Variants in CENPP observed in about 807,000 individuals in gnomAD.
CENPP encodes centromere protein P.
A neutral mutation model predicts 35.6 loss-of-function variants in CENPP; 24 were observed. That is an observed-to-expected ratio of 0.67 (90% CI 0.49 to 0.95). CENPP has a LOEUF of 0.95. CENPP is among the 40% of genes least tolerant of loss of function. The probability of loss-of-function intolerance (pLI) is 0.00; values close to 1 mark genes in which losing one functional copy is unlikely to be tolerated. For missense variants in CENPP, 332 were observed against 345.3 expected (o/e 0.96, Z 0.31); for synonymous variants, 120 against 125.5 (o/e 0.96, Z 0.29).
chr9:92,590,147 T>C (rs879768795), intron 5 of CENPP, among the ~76,000 whole-genome samples: 1 of 152,226 alleles, frequency 6.6e-6, no homozygotes, highest in African/African-American at 2.4e-5. Context: ...AGTTCTCTAA[T>C]GGTGTGTCAG....
At chr9:92,418,445 T>C (rs1379495740) in intron 5 of CENPP, among the ~76,000 whole-genome samples, 1 of 152,008 alleles carries the variant, frequency 6.6e-6, no homozygotes, top group Non-Finnish European at 1.5e-5. Context: ...AAGTCTGGTA[T>C]ACTAGACTTT....
intron 4 of CENPP, among the ~76,000 whole-genome samples, chr9:92,368,233 A>G (rs1841934152): frequency 6.6e-6 from 1 of 152,196 alleles, no homozygotes; most frequent in South Asian, 2.1e-4. Context: ...ATTGTGCACA[A>G]ACTTTGTTTC....
intron 5 of CENPP, among the ~76,000 whole-genome samples, chr9:92,580,998 T>C (rs973239256): frequency 6.6e-6 from 1 of 152,220 alleles, no homozygotes; most frequent in Non-Finnish European, 1.5e-5. Flanking sequence ...TCTGGTATGT[T>C]GTGTCTTTAT....
At chr9:92,578,323 G>C (rs192971411) in intron 5 of CENPP, among the ~76,000 whole-genome samples, 1 of 152,084 alleles carries the variant, frequency 6.6e-6, no homozygotes, top group Non-Finnish European at 1.5e-5. Flanking sequence ...CCAGTAATGC[G>C]ATGGCTGGGT....
intron 5 of CENPP, chr9:92,417,459 C>G: frequency 6.2e-7 from 1 of 1,613,874 alleles, no homozygotes; most frequent in Non-Finnish European, 8.5e-7. Context: ...TCATCTGGCT[C>G]TTGGTCATAG....
In CENPP at chr9:92,494,885, G is replaced by A. The variant is rs1031960203; in HGVS notation, c.564+115026G>A. ...TTGCACCACTGCACTCCAGCCTGGC[G>A]ACAGAGTGACACTCCGTCTAAAAAA... On this transcript the variant is annotated intron_variant, in intron 5 of 7. Transcript: ENST00000375587. Among the ~76,000 whole-genome samples, 9 of 152,162 alleles carry A rather than the reference G, an allele frequency of 5.9e-5. No homozygotes were observed. The East Asian group carries it at 1.5e-3, about 26-fold the overall frequency.
At chr9:92,573,537 C>T (rs951713979) in intron 5 of CENPP, among the ~76,000 whole-genome samples, 12 of 152,208 alleles carry the variant, frequency 7.9e-5, no homozygotes, top group African/African-American at 2.7e-4. Flanking sequence ...AGTTAGGCTA[C>T]TCGGGGGTCA....
In CENPP at chr9:92,450,919, G is replaced by C. The variant is rs941761508; in HGVS notation, c.564+71060G>C. On this transcript the variant is annotated intron_variant, in intron 5 of 7. Transcript: ENST00000375587. ...CTTTTGAGAAGTGTCTGTTCATGTC[G>C]TTCGCCCACTTTTTGATGGGGTTGT... is the stretch of plus-strand genomic sequence containing the variant. Among the ~76,000 whole-genome samples the C allele has an allele frequency of 2.6e-5, 4 of 152,032 alleles. No homozygotes were observed. The East Asian group carries it at 5.8e-4, about 22-fold the overall frequency.
rs565309260 is a variant in CENPP at position 92,597,950 on chromosome 9, T to TA, written c.565-13362dup. ...GTATAAATTACTGACTTTGCTTGAG[T>TA]AATTTTCCCCTTTCCATTCTAAAGT... On this transcript the variant is annotated intron_variant, in intron 5 of 7. Coordinates refer to ENST00000375587, the MANE Select transcript of CENPP (RefSeq NM_001012267.3). Among the ~76,000 whole-genome samples, 7 of 152,338 alleles carry TA rather than the reference T, an allele frequency of 4.6e-5. No individual in the cohort carries two copies. In the East Asian group the frequency reaches 7.7e-4, roughly 17 times the overall value.
At chr9:92,591,449 A>G (rs1850662054) in intron 5 of CENPP, among the ~76,000 whole-genome samples, 1 of 148,524 alleles carries the variant, frequency 6.7e-6, no homozygotes. Context: ...TAAGACCTGC[A>G]GGGAAAAAAA....
chr9:92,617,956 C>A lies in CENPP; in HGVS notation c.*4807C>A. The A allele has an allele frequency of 3.2e-6, 1 of 310,604 alleles. No individual in the cohort carries two copies. The highest frequency in any genetic ancestry group is 6.4e-6 in the Non-Finnish European group (1 of 156,998). The allele number at this position is 310,604 out of a possible 1,614,324, so 19.2% of individuals were successfully genotyped here. ...GGGGTGTAAGAAGTTTAAATGTGGT[C>A]AATCTATCTGTGAGCTGCAAATTAG... On this transcript the variant is annotated 3_prime_UTR_variant, in exon 8 of 8. Transcript: ENST00000375587.
At chr9:92,373,239 A>G (rs922059201) in intron 4 of CENPP, among the ~76,000 whole-genome samples, 1 of 152,030 alleles carries the variant, frequency 6.6e-6, no homozygotes, top group Non-Finnish European at 1.5e-5. Flanking sequence ...CCTCTTTAAC[A>G]TAGTGAGACC....
chr9:92,529,797 C>T (rs72754437), intron 5 of CENPP, among the ~76,000 whole-genome samples: 77 of 152,002 alleles, frequency 5.1e-4, no homozygotes, highest in Non-Finnish European at 8.4e-4. Context: ...GAATTTGGGG[C>T]GGAGAGGGAT....
chr9:92,382,892 C>CTTTT (rs1213731251), intron 5 of CENPP, among the ~76,000 whole-genome samples: 7 of 69,818 alleles, frequency 1.0e-4, no homozygotes, highest in Non-Finnish European at 1.4e-4. Flanking sequence ...CACTGTTTTC[C>CTTTT]TTTTTTTTTT....
At chr9:92,466,945 GT>G (rs1845337372) in intron 5 of CENPP, among the ~76,000 whole-genome samples, 2 of 152,032 alleles carry the variant, frequency 1.3e-5, no homozygotes, top group Admixed American at 1.3e-4. Context: ...ACAAAACTAT[GT>G]TTAGTGCACA....
chr9:92,451,378 C>G (rs1352910732), intron 5 of CENPP, among the ~76,000 whole-genome samples: 4 of 145,070 alleles, frequency 2.8e-5, no homozygotes, highest in Non-Finnish European at 6.0e-5. Flanking sequence ...GCTTGTTTTT[C>G]TCAGGTTTGT....
chr9:92,530,325 G>A (rs1481938537), intron 5 of CENPP, among the ~76,000 whole-genome samples: 2 of 152,124 alleles, frequency 1.3e-5, no homozygotes, highest in African/African-American at 4.8e-5. Flanking sequence ...TATCCATGGT[G>A]TGAGATTTTG....
intron 4 of CENPP, among the ~76,000 whole-genome samples, chr9:92,355,479 T>A (rs549069520): frequency 4.1e-4 from 63 of 152,136 alleles, no homozygotes; most frequent in Non-Finnish European, 7.5e-4. Flanking sequence ...GCACTACAGC[T>A]GCAAAAATAA....
chr9:92,368,516 T>G (rs576606696), intron 4 of CENPP, among the ~76,000 whole-genome samples: 1 of 152,208 alleles, frequency 6.6e-6, no homozygotes, highest in Non-Finnish European at 1.5e-5. Context: ...CATAAAAATA[T>G]AACTATAGCT....
Sources: allele counts gnomAD v4.1 joint callset (sites outside exome capture counted in the v4.1 genomes callset), GRCh38; gene constraint gnomAD v4.1.1; transcripts MANE v1.5; gene names NCBI Gene and HGNC (gene_info 2026-07-23, HGNC 2026-07-21).